Variants in CNTLN observed in about 807,000 individuals in gnomAD.
CNTLN encodes centlein.
Under a neutral mutation model 180.0 loss-of-function variants are expected in CNTLN, and 212 were observed. The observed-to-expected ratio is 1.18, with a 90% CI of 1.05 to 1.32. The LOEUF is 1.32. CNTLN is among the 40% of genes most tolerant of loss of function. CNTLN has a pLI of 0.00. For missense variants in CNTLN, 2,095 were observed against 1,610.9 expected (o/e 1.30, Z -5.14); for synonymous variants, 722 against 563.1 (o/e 1.28, Z -3.99).
chr9:17,443,197 AAATAT>A (rs1830208861), intron 18 of CNTLN, among the ~76,000 whole-genome samples: 1 of 152,206 alleles, frequency 6.6e-6, no homozygotes, highest in Non-Finnish European at 1.5e-5. Context: ...AGTGAAAGTT[AAATAT>A]ATTAGAAATG....
the CNTLN span, among the ~76,000 whole-genome samples, chr9:17,510,686 C>T: frequency 1.3e-5 from 2 of 152,190 alleles, no homozygotes; most frequent in Admixed American, 6.5e-5. Context: ...CCTGCCTGCC[C>T]ACTCTGCAGA....
At chr9:17,144,188 G>C (rs1485695160) in intron 2 of CNTLN, among the ~76,000 whole-genome samples, 1 of 152,068 alleles carries the variant, frequency 6.6e-6, no homozygotes, top group East Asian at 1.9e-4. Flanking sequence ...TCTGAGATTT[G>C]ACTTGTTAAA....
At chr9:17,492,018 C>G (rs547204592) in intron 25 of CNTLN, among the ~76,000 whole-genome samples, 113 of 152,200 alleles carry the variant, frequency 7.4e-4, no homozygotes, top group South Asian at 1.4e-3. Context: ...CTGACATACT[C>G]ACTCACTCAC....
intron 2 of CNTLN, among the ~76,000 whole-genome samples, chr9:17,223,125 G>C (rs1056172635): frequency 6.6e-6 from 1 of 152,030 alleles, no homozygotes; most frequent in African/African-American, 2.4e-5. Flanking sequence ...TCGACAAAGA[G>C]ATGATTCATG....
chr9:17,225,800 G>T (rs1385738906), intron 2 of CNTLN, among the ~76,000 whole-genome samples: 2 of 151,986 alleles, frequency 1.3e-5, no homozygotes, highest in South Asian at 4.1e-4. Flanking sequence ...TAGTTATAGG[G>T]TATCGACTAT....
chr9:17,422,959 G>C (rs911402514), intron 18 of CNTLN, among the ~76,000 whole-genome samples: 1 of 152,170 alleles, frequency 6.6e-6, no homozygotes, highest in Non-Finnish European at 1.5e-5. Flanking sequence ...CGGTAACACT[G>C]TGATTCTTGC....
chr9:17,278,962 CAAT>C (rs1828488314), intron 6 of CNTLN, among the ~76,000 whole-genome samples: 1 of 151,652 alleles, frequency 6.6e-6, no homozygotes, highest in Non-Finnish European at 1.5e-5. Flanking sequence ...TATAATGAAA[CAAT>C]AAGGCTCTCT....
rs537893471 is a variant in CNTLN at position 17,500,322 on chromosome 9, C to T, written c.4120-2229C>T. ...AGGCTTTCTGGAAGAGTTATTTGAGCTTGACTTTTTAAAGGTAATGTCCAT... is the reference window on the plus strand; with the variant it reads ...AGGCTTTCTGGAAGAGTTATTTGAGTTTGACTTTTTAAAGGTAATGTCCAT... On this transcript the variant is annotated intron_variant, in intron 25 of 25. Transcript: ENST00000380647. 4.7e-4 allele frequency among the ~76,000 whole-genome samples: 71 copies of T among 152,248 alleles called. 1 individual carries two copies. The South Asian group carries it at 4.8e-3, about 10-fold the overall frequency.
chr9:17,452,725 T>C (rs1320192855), intron 18 of CNTLN, among the ~76,000 whole-genome samples: 1 of 152,134 alleles, frequency 6.6e-6, no homozygotes, highest in East Asian at 1.9e-4. Flanking sequence ...GTTCTGAATC[T>C]AGGTACTGCA....
chr9:17,206,964 C>T (rs541979462), intron 2 of CNTLN, among the ~76,000 whole-genome samples: 1 of 152,320 alleles, frequency 6.6e-6, no homozygotes, highest in African/African-American at 2.4e-5. Flanking sequence ...ACTGCACCAA[C>T]ACTTCATGAG....
At position 17,199,355 on chromosome 9, in the gene CNTLN, G is replaced by A. The variant is rs540148018; in HGVS notation, c.450-26848G>A. 3.0e-4 allele frequency among the ~76,000 whole-genome samples: 46 copies of A among 152,024 alleles called. 1 individual carries two copies. Among genetic ancestry groups the A allele is most frequent in the African/African-American group, 1.1e-3 (45 of 41,464 alleles). ...GCCTCCTGAGTAGCTGGGACTACAG[G>A]CATGTGCCACCACACCTGGCTAATT... On this transcript the variant is annotated intron_variant, in intron 2 of 25. Coordinates refer to ENST00000380647, the MANE Select transcript of CNTLN (RefSeq NM_017738.4).
intron 13 of CNTLN, among the ~76,000 whole-genome samples, chr9:17,373,877 C>T (rs1168092744): frequency 2.0e-5 from 3 of 152,166 alleles, no homozygotes; most frequent in Non-Finnish European, 4.4e-5. Context: ...AGGACAGTCT[C>T]TTCAATAAAT....
intron 2 of CNTLN, among the ~76,000 whole-genome samples, chr9:17,206,749 T>C (rs1387497141): frequency 6.6e-6 from 1 of 152,224 alleles, no homozygotes; most frequent in Non-Finnish European, 1.5e-5. Context: ...GAATGGGTTG[T>C]ATGAGTGAGC....
intron 19 of CNTLN, among the ~76,000 whole-genome samples, chr9:17,459,534 T>G (rs1045663204): frequency 6.6e-6 from 1 of 151,870 alleles, no homozygotes; most frequent in African/African-American, 2.4e-5. Flanking sequence ...GTACATAATA[T>G]TGTCTACTAC....
At chr9:17,452,676 A>G (rs1206400210) in intron 18 of CNTLN, among the ~76,000 whole-genome samples, 1 of 152,204 alleles carries the variant, frequency 6.6e-6, no homozygotes, top group Non-Finnish European at 1.5e-5. Flanking sequence ...CCAACTACAT[A>G]GTGTGTGTAA....
chr9:17,386,799 T>C (rs1825719942), intron 13 of CNTLN, among the ~76,000 whole-genome samples: 1 of 152,234 alleles, frequency 6.6e-6, no homozygotes. Context: ...CCCATGCTCT[T>C]TGAATATAGA....
intron 2 of CNTLN, among the ~76,000 whole-genome samples, chr9:17,205,472 G>A (rs187849004): frequency 1.0e-3 from 158 of 152,156 alleles, no homozygotes; most frequent in African/African-American, 3.6e-3. Flanking sequence ...CACCAGAGTC[G>A]GACACCGAAC....
intron 6 of CNTLN, 99 bp from the exon 7 acceptor site, chr9:17,298,091 C>T (rs1249186655): frequency 2.0e-6 from 2 of 1,018,442 alleles, no homozygotes; most frequent in Admixed American, 3.1e-5. Context: ...ATAACAGATG[C>T]AAAACAGGAT....
chr9:17,347,773 A>T (rs969357614), intron 12 of CNTLN, among the ~76,000 whole-genome samples: 2 of 152,152 alleles, frequency 1.3e-5, no homozygotes, highest in Admixed American at 6.5e-5. Context: ...TAAAATGCTC[A>T]GAACACTTCC....
Sources: allele counts gnomAD v4.1 joint callset (sites outside exome capture counted in the v4.1 genomes callset), GRCh38; gene constraint gnomAD v4.1.1; transcripts MANE v1.5; gene names NCBI Gene and HGNC (gene_info 2026-07-23, HGNC 2026-07-21).